The following ENPP2 variants were observed in gnomAD, a reference collection of about 807,000 sequenced individuals.
The protein encoded by ENPP2 is ectonucleotide pyrophosphatase/phosphodiesterase 2, also known as autotaxin.
In ENPP2, 51 loss-of-function variants were observed where a neutral mutation model predicts 120.2. The observed-to-expected ratio is 0.42, with a 90% CI of 0.34 to 0.54. The LOEUF is 0.54. Among genes scored for constraint, ENPP2 ranks in the 20% least tolerant of loss-of-function variants. ENPP2 has a pLI of 0.04. For synonymous variants in ENPP2, 365 were observed against 366.4 expected (o/e 1.00, Z 0.04); for missense variants, 920 against 1,066.5 (o/e 0.86, Z 1.91).
chr8:119,606,472 T>A (rs545363768), intron 9 of ENPP2, among the ~76,000 whole-genome samples: 1 of 152,286 alleles, frequency 6.6e-6, no homozygotes, highest in African/African-American at 2.4e-5. Flanking sequence ...AAAATACTTC[T>A]ATGAGCGTCT....
At chr8:119,625,478 C>T (rs926376264) in intron 3 of ENPP2, among the ~76,000 whole-genome samples, 1 of 152,158 alleles carries the variant, frequency 6.6e-6, no homozygotes, top group African/African-American at 2.4e-5. Context: ...AGAGCTACCA[C>T]TTAGGCAAAA....
chr8:119,576,302 T>G (rs544046606), intron 19 of ENPP2, among the ~76,000 whole-genome samples: 1 of 152,164 alleles, frequency 6.6e-6, no homozygotes, highest in East Asian at 1.9e-4. Context: ...GATGCCCAGC[T>G]AATTTTTGTA....
chr8:119,580,146 T>C lies in ENPP2; in HGVS notation c.1750A>G (p.Lys584Glu), dbSNP rs903996147. The change falls in exon 19 of 25, where the codon AAA (lysine) becomes GAA (glutamate). Residue 584 changes from lysine to glutamate, a missense_variant. Lys to Glu is a moderately conservative substitution (Grantham distance 56, BLOSUM62 1). Coordinates refer to ENST00000075322, the MANE Select transcript of ENPP2 (RefSeq NM_001040092.3). ...GTAGACCCTTTTGTATGAAGCCGTT[T>C]GTTGAGTTCATCCAACTTGTTCTTC... The part of the protein sequence containing the change: ...EPKNKLDELN[K>E]RLHTKGSTEE... 2 of 1,613,426 alleles carry C rather than the reference T, an allele frequency of 1.2e-6. No homozygotes were observed. Among genetic ancestry groups the C allele is most frequent in the Non-Finnish European group, 1.7e-6 (2 of 1,179,414 alleles).
chr8:119,608,599 C>T (rs916804790), intron 8 of ENPP2, among the ~76,000 whole-genome samples: 1 of 152,072 alleles, frequency 6.6e-6, no homozygotes, highest in Admixed American at 6.6e-5. Context: ...TTCTTTACAC[C>T]GTGTACTATT....
intron 11 of ENPP2, 139 bp downstream of exon 11, chr8:119,600,539 G>C: frequency 1.8e-6 from 1 of 542,866 alleles, no homozygotes; most frequent in East Asian, 3.1e-5. Context: ...AAAATTTTTA[G>C]TCTTGTAGTT....
chr8:119,661,833 C>A (rs981167782), intron 1 of ENPP2, among the ~76,000 whole-genome samples: 1 of 152,086 alleles, frequency 6.6e-6, no homozygotes, highest in Non-Finnish European at 1.5e-5. Flanking sequence ...GAATACTAGG[C>A]AGCCTTAAAC....
At chr8:119,595,522 G>T (rs561690273) in intron 11 of ENPP2, among the ~76,000 whole-genome samples, 1 of 152,270 alleles carries the variant, frequency 6.6e-6, no homozygotes, top group South Asian at 2.1e-4. Context: ...TTGTTCTCAA[G>T]AACCAGGGCC....
intron 2 of ENPP2, among the ~76,000 whole-genome samples, chr8:119,636,235 G>A (rs781549013): frequency 3.9e-5 from 6 of 152,180 alleles, no homozygotes; most frequent in Admixed American, 6.5e-5. Context: ...TGTGTCAATC[G>A]AGAGAGATCC....
At chr8:119,564,569 T>G (rs1814241650) in intron 23 of ENPP2, among the ~76,000 whole-genome samples, 1 of 151,858 alleles carries the variant, frequency 6.6e-6, no homozygotes, top group African/African-American at 2.4e-5. Flanking sequence ...TCCCAGTTAC[T>G]CAGGAGGCTG....
At chr8:119,671,514 T>C (rs1395851779) in intron 1 of ENPP2, among the ~76,000 whole-genome samples, 1 of 152,144 alleles carries the variant, frequency 6.6e-6, no homozygotes, top group Non-Finnish European at 1.5e-5. Context: ...GGTTTGGTGA[T>C]GATTGTCATG....
intron 1 of ENPP2, among the ~76,000 whole-genome samples, chr8:119,663,767 C>A (rs1054789564): frequency 2.0e-5 from 3 of 152,204 alleles, no homozygotes; most frequent in Non-Finnish European, 4.4e-5. Context: ...AAGCTTAGGT[C>A]ACCCAAGGGA....
chr8:119,578,825 G>A (rs962584246), intron 19 of ENPP2, among the ~76,000 whole-genome samples: 1 of 152,218 alleles, frequency 6.6e-6, no homozygotes, highest in African/African-American at 2.4e-5. Flanking sequence ...GAAGTGGGAT[G>A]ATGGAGATAC....
intron 18 of ENPP2, among the ~76,000 whole-genome samples, chr8:119,581,265 C>CAA (rs5894487): frequency 0.023 from 2,517 of 111,668 alleles, 70 homozygotes; most frequent in African/African-American, 0.065. Context: ...GACTCCATCT[C>CAA]AAAAAAAAAA....
intron 9 of ENPP2, 109 bp from the exon 10 acceptor site, chr8:119,601,571 A>G: frequency 1.4e-6 from 1 of 730,910 alleles, no homozygotes; most frequent in Non-Finnish European, 2.4e-6. Flanking sequence ...ATTTACCACC[A>G]TCTGTTTTCA....
Position 119,564,965 on chromosome 8 carries a change from GA to G in ENPP2, c.2132-11del. On this transcript the variant is annotated splice_polypyrimidine_tract_variant and intron_variant, in intron 22 of 24. Transcript: ENST00000075322. Reference sequence around the variant, plus strand: ...AAATAATTCCAGACCCCTGTGCAAAGACAAAAATCCAAAAATCAATTATTCA... The same window carrying G: ...AAATAATTCCAGACCCCTGTGCAAAGCAAAAATCCAAAAATCAATTATTCA... The G allele has an allele frequency of 6.2e-7, 1 of 1,606,030 alleles. No individual in the cohort carries two copies.
At chr8:119,672,070 A>G (rs1172766364) in intron 1 of ENPP2, among the ~76,000 whole-genome samples, 1 of 152,106 alleles carries the variant, frequency 6.6e-6, no homozygotes, top group Non-Finnish European at 1.5e-5. Flanking sequence ...GCCTTGCCAA[A>G]GGTTGGCCCT....
At chr8:119,634,036 A>G (rs1400885937) in intron 2 of ENPP2, among the ~76,000 whole-genome samples, 2 of 152,134 alleles carry the variant, frequency 1.3e-5, no homozygotes, top group Non-Finnish European at 1.5e-5. Flanking sequence ...TACAAAAATT[A>G]GCCTGGCGCG....
intron 8 of ENPP2, among the ~76,000 whole-genome samples, chr8:119,614,595 C>T (rs1440618818): frequency 2.6e-5 from 4 of 152,178 alleles, no homozygotes; most frequent in African/African-American, 9.7e-5. Flanking sequence ...GAATATGTGG[C>T]CTCATCTTCT....
In ENPP2 at chr8:119,597,136, T is replaced by C. The variant is rs186009718; in HGVS notation, c.973-3276A>G. On this transcript the variant is annotated intron_variant, in intron 11 of 24. Coordinates refer to ENST00000075322, the MANE Select transcript of ENPP2 (RefSeq NM_001040092.3). ...CAAGCCATGGCAAAGGCACTTCTGT[T>C]TCTGTCTCATCCTCTCTCTCCACCA... Among the ~76,000 whole-genome samples the C allele has an allele frequency of 1.3e-3, 202 of 152,324 alleles. 2 individuals are homozygous for C. Among genetic ancestry groups the C allele is most frequent in the African/African-American group, 4.8e-3 (199 of 41,576 alleles).
Sources: gnomAD v4.1 joint callset for allele counts (sites outside exome capture counted in the v4.1 genomes callset) on GRCh38, gnomAD v4.1.1 for gene constraint, MANE v1.5 for transcripts, NCBI Gene and HGNC (gene_info 2026-07-23, HGNC 2026-07-21) for gene names.